GPC5: variants seen among roughly 807,000 people sequenced by gnomAD.
GPC5 encodes glypican-5.
A neutral mutation model predicts 53.9 loss-of-function variants in GPC5; 47 were observed. The ratio of observed to expected loss-of-function variants is 0.87; its 90% CI spans 0.69 to 1.11. The LOEUF is 1.11. Ranked by LOEUF, GPC5 falls within the 50% of genes most tolerant of loss-of-function variation. The probability of loss-of-function intolerance (pLI) is 0.00; values close to 1 mark genes in which losing one functional copy is unlikely to be tolerated. For synonymous variants in GPC5, 286 were observed against 263.3 expected (o/e 1.09, Z -0.84); for missense variants, 748 against 713.1 (o/e 1.05, Z -0.56).
chr13:91,689,526 G>T (rs957418953), intron 2 of GPC5, among the ~76,000 whole-genome samples: 2 of 150,596 alleles, frequency 1.3e-5, no homozygotes, highest in African/African-American at 2.4e-5. Context: ...TTGATTTTTT[G>T]TAGTAACATT....
chr13:92,405,263 C>T (rs1035813279), intron 7 of GPC5, among the ~76,000 whole-genome samples: 6 of 152,224 alleles, frequency 3.9e-5, no homozygotes, highest in African/African-American at 1.2e-4. Flanking sequence ...GCACTCGCTA[C>T]GACTGGGACA....
At chr13:92,164,825 A>G (rs2042015678) in intron 7 of GPC5, among the ~76,000 whole-genome samples, 1 of 152,212 alleles carries the variant, frequency 6.6e-6, no homozygotes, top group Non-Finnish European at 1.5e-5. Context: ...ACATCCAGGC[A>G]TTTCTGTACA....
intron 7 of GPC5, among the ~76,000 whole-genome samples, chr13:92,361,909 G>T (rs2043570651): frequency 6.6e-6 from 1 of 151,472 alleles, no homozygotes; most frequent in African/African-American, 2.4e-5. Context: ...ATGACCTACA[G>T]CTAACGAGCT....
intron 5 of GPC5, among the ~76,000 whole-genome samples, chr13:91,858,955 A>G (rs1286038172): frequency 6.6e-6 from 1 of 151,396 alleles, no homozygotes; most frequent in Non-Finnish European, 1.5e-5. Context: ...TGCTCCTAAT[A>G]GCCTGTAATG....
At chr13:92,750,866 A>G (rs1444493905) in intron 7 of GPC5, among the ~76,000 whole-genome samples, 1 of 152,138 alleles carries the variant, frequency 6.6e-6, no homozygotes, top group Non-Finnish European at 1.5e-5. Context: ...GTCAAGTATG[A>G]TATGTATGTT....
intron 2 of GPC5, among the ~76,000 whole-genome samples, chr13:91,472,031 T>C (rs1882663424): frequency 6.6e-6 from 1 of 152,166 alleles, no homozygotes; most frequent in Non-Finnish European, 1.5e-5. Context: ...CTATAATCTC[T>C]ATTATATCTA....
Position 91,756,319 on chromosome 13 carries a change from G to C in GPC5, c.1179G>C (p.Leu393=). The part of the protein sequence containing the change: ...RRKEFINSLR[L]YRSFYGGLAD... ...GAGAATTTATCAACAGCCTTCGACT[G>C]TACAGGTCATTCTATGGAGGTCTAG... The change falls in exon 5 of 8, where the codon CTG becomes CTC. Residue 393 remains leucine (L), a synonymous_variant. Transcript: ENST00000377067. 2 of 1,576,514 alleles carry C rather than the reference G, an allele frequency of 1.3e-6. No homozygotes were observed. Among genetic ancestry groups the C allele is most frequent in the Non-Finnish European group, 1.7e-6 (2 of 1,153,196 alleles).
chr13:92,150,994 T>C (rs1417581702), intron 7 of GPC5, among the ~76,000 whole-genome samples: 1 of 152,036 alleles, frequency 6.6e-6, no homozygotes, highest in African/African-American at 2.4e-5. Context: ...CCCATTCTTA[T>C]CTAGGTCTAT....
Position 91,694,030 on chromosome 13 carries a change from G to A in GPC5, c.1020+149G>A. ...ATATCTTATGATAAAATTTTGATTG[G>A]CTGAAATACCACATTCTCTCCTAAG... On this transcript the variant is annotated intron_variant, in intron 3 of 7. Transcript: ENST00000377067. 3 of 677,146 alleles carry A rather than the reference G, an allele frequency of 4.4e-6. No homozygotes were observed. The South Asian group carries it at 6.5e-5, about 15-fold the overall frequency. 41.9% of individuals were successfully genotyped at this position (677,146 alleles called of 1,614,324 possible). A position where few individuals can be genotyped will look rare whatever the true frequency, so the allele number is the denominator to read the frequency against.
intron 6 of GPC5, among the ~76,000 whole-genome samples, chr13:92,003,234 T>G (rs1429695028): frequency 3.4e-5 from 5 of 147,168 alleles, no homozygotes; most frequent in African/African-American, 5.0e-5. Flanking sequence ...GGCAGGAGAA[T>G]AGCTTGAATC....
rs925217828 is a variant in GPC5, at chr13:91,417,325, G to A, written c.163+18116G>A. 2.6e-5 allele frequency among the ~76,000 whole-genome samples: 4 copies of A among 152,164 alleles called. No individual in the cohort carries two copies. In the East Asian group the frequency reaches 7.7e-4, roughly 29 times the overall value. On this transcript the variant is annotated intron_variant, in intron 1 of 7. Transcript: ENST00000377067. ...GAAAAAGATTTAGAGATCATTGGGTGTGTAGGTGAATTTCTAGAAGTAGAA... is the reference window on the plus strand; with the variant it reads ...GAAAAAGATTTAGAGATCATTGGGTATGTAGGTGAATTTCTAGAAGTAGAA...
intron 7 of GPC5, among the ~76,000 whole-genome samples, chr13:92,657,838 A>G (rs1886192389): frequency 6.6e-6 from 1 of 152,084 alleles, no homozygotes; most frequent in African/African-American, 2.4e-5. Flanking sequence ...CTGTTACTAC[A>G]GTCTATATCA....
chr13:91,706,301 A>G (rs992524431), intron 3 of GPC5, among the ~76,000 whole-genome samples: 3 of 152,182 alleles, frequency 2.0e-5, no homozygotes, highest in Non-Finnish European at 2.9e-5. Flanking sequence ...TTTTTGCCCC[A>G]TAGAGTTATA....
chr13:91,413,668 C>T (rs1877976683), intron 1 of GPC5, among the ~76,000 whole-genome samples: 1 of 152,228 alleles, frequency 6.6e-6, no homozygotes, highest in African/African-American at 2.4e-5. Context: ...TTCCAGGCTC[C>T]TGGGATTGAG....
intron 7 of GPC5, among the ~76,000 whole-genome samples, chr13:92,858,518 T>C (rs1326105): frequency 0.12 from 17,711 of 152,216 alleles, 1,347 homozygotes; most frequent in East Asian, 0.33. Context: ...GCAACATGGA[T>C]GCAGCTGGAG....
At chr13:91,779,674 A>C (rs895212090) in intron 5 of GPC5, among the ~76,000 whole-genome samples, 3 of 152,146 alleles carry the variant, frequency 2.0e-5, no homozygotes, top group Non-Finnish European at 4.4e-5. Flanking sequence ...TTTTACTTTA[A>C]AAAATTGTAA....
chr13:91,510,625 C>G (rs1885185212), intron 2 of GPC5, among the ~76,000 whole-genome samples: 1 of 152,122 alleles, frequency 6.6e-6, no homozygotes, highest in Admixed American at 6.5e-5. Flanking sequence ...GAAAAAATTT[C>G]TAAACATTTA....
At chr13:91,709,715 C>T (rs1170241335) in intron 3 of GPC5, among the ~76,000 whole-genome samples, 1 of 152,180 alleles carries the variant, frequency 6.6e-6, no homozygotes, top group Non-Finnish European at 1.5e-5. Context: ...TTTGCAGATG[C>T]CCAAAGGCAA....
At position 91,398,977 on chromosome 13, in the gene GPC5, C is replaced by G; in HGVS notation, c.-70C>G. On this transcript the variant is annotated 5_prime_UTR_variant, in exon 1 of 8. Transcript: ENST00000377067. Reference sequence around the variant, plus strand: ...GCCTCGGCCGCTGTGTCTTCCACGTCTGCAGCTCAGCCAGGGCGCGCAGGG... The same window carrying G: ...GCCTCGGCCGCTGTGTCTTCCACGTGTGCAGCTCAGCCAGGGCGCGCAGGG... 6.7e-7 allele frequency: 1 copy of G among 1,498,706 alleles called. No individual in the cohort carries two copies. The highest frequency in any genetic ancestry group is 1.3e-5 in the South Asian group (1 of 77,774). 92.8% of individuals were successfully genotyped at this position (1,498,706 alleles called of 1,614,324 possible).
Sources: allele counts gnomAD v4.1 joint callset (sites outside exome capture counted in the v4.1 genomes callset), GRCh38; gene constraint gnomAD v4.1.1; transcripts MANE v1.5; gene names NCBI Gene and HGNC (gene_info 2026-07-23, HGNC 2026-07-21).